Variants in TMEM106B observed in about 807,000 individuals in gnomAD.
The protein encoded by TMEM106B is transmembrane protein 106B.
Under a neutral mutation model 31.1 loss-of-function variants are expected in TMEM106B, and 15 were observed. The observed-to-expected ratio is 0.48, with a 90% CI of 0.32 to 0.74. The LOEUF is 0.74. TMEM106B is among the 30% of genes least tolerant of loss of function. The pLI is 0.03. For missense variants in TMEM106B, 283 were observed against 327.3 expected (o/e 0.86, Z 1.04); for synonymous variants, 126 against 112.5 (o/e 1.12, Z -0.76).
chr7:12,241,283 G>C lies in TMEM106B; in HGVS notation c.*9308G>C, dbSNP rs1414046212. On this transcript the variant is annotated 3_prime_UTR_variant, in exon 8 of 8. Transcript: ENST00000396668. Reference sequence around the variant, plus strand: ...TTTATTTTTTATACTTTAAGTTCTAGGATACATGTGCAGAACGTGCAGGTT... The same window carrying C: ...TTTATTTTTTATACTTTAAGTTCTACGATACATGTGCAGAACGTGCAGGTT... The C allele has an allele frequency of 6.6e-6, 1 of 151,952 alleles. No homozygotes were observed. Among genetic ancestry groups the C allele is most frequent in the African/African-American group, 2.4e-5 (1 of 41,370 alleles). 9.4% of individuals were successfully genotyped at this position (151,952 alleles called of 1,614,324 possible). A position where few individuals can be genotyped will look rare whatever the true frequency, so the allele number is the denominator to read the frequency against.
intron 3 of TMEM106B, among the ~76,000 whole-genome samples, chr7:12,218,934 C>T (rs1438611357): frequency 6.6e-6 from 1 of 152,106 alleles, no homozygotes; most frequent in Non-Finnish European, 1.5e-5. Flanking sequence ...TACTAAGGAT[C>T]ATATGAGCCC....
At chr7:12,230,745 C>G (rs924046628) in intron 6 of TMEM106B, 8 of 308,874 alleles carry the variant, frequency 2.6e-5, no homozygotes, top group African/African-American at 1.3e-4. Context: ...TTTTCATCAT[C>G]TTTTGAATAA....
intron 2 of TMEM106B, chr7:12,215,888 T>C (rs1290191842): frequency 6.2e-6 from 1 of 160,826 alleles, no homozygotes; most frequent in Non-Finnish European, 1.5e-5. Context: ...ATCCCCTGTG[T>C]GCTGCTTGTA....
chr7:12,226,237 G>A (rs997318439), intron 4 of TMEM106B, among the ~76,000 whole-genome samples: 1 of 152,138 alleles, frequency 6.6e-6, no homozygotes. Flanking sequence ...CTGTATCTCT[G>A]TTTTGGTACC....
chr7:12,223,691 C>G (rs185823205), intron 3 of TMEM106B, among the ~76,000 whole-genome samples: 35 of 151,046 alleles, frequency 2.3e-4, no homozygotes, highest in African/African-American at 7.5e-4. Flanking sequence ...TGTTTTTAAG[C>G]CCAAAATTTC....
chr7:12,229,781 A>T lies in TMEM106B; in HGVS notation c.544A>T (p.Asn182Tyr), dbSNP rs762637597. ...AACAGTTATTGGAAAGGCACGCTTA[A>T]ACAACATAACCATTATTGGTCCACT... ...SKTVIGKARLNNITIIGPLDM... is the reference protein window; with the variant it reads ...SKTVIGKARLYNITIIGPLDM... Residue 182 changes from asparagine (N) to tyrosine (Y), a missense_variant, in exon 5 of 8, where the codon AAC becomes TAC. This residue lies in a region of TMEM106B where 201 missense variants were observed against 211.5 expected (regional missense o/e 0.95). Coordinates refer to ENST00000396668, the MANE Select transcript of TMEM106B (RefSeq NM_001134232.2). 5.0e-6 allele frequency: 8 copies of T among 1,611,284 alleles called. No homozygotes were observed. In the Admixed American group the frequency reaches 1.0e-4, roughly 20 times the overall value.
chr7:12,221,829 C>G (rs1478652685), intron 3 of TMEM106B, among the ~76,000 whole-genome samples: 1 of 152,128 alleles, frequency 6.6e-6, no homozygotes, highest in African/African-American at 2.4e-5. Flanking sequence ...AGAGGGTGCT[C>G]TTAAGCCTGC....
intron 1 of TMEM106B, among the ~76,000 whole-genome samples, chr7:12,213,293 GA>G (rs201303186): frequency 5.3e-5 from 8 of 150,860 alleles, no homozygotes; most frequent in South Asian, 2.1e-4. Flanking sequence ...ACTGTTGAAT[GA>G]AAAAAAAACT....
rs751962224 is a variant in TMEM106B, at chr7:12,240,165, G to A, written c.*8190G>A. Reference sequence around the variant, plus strand: ...CCTTCAACAATGTCCTGACCAAATCGAGTTCTTTCTCATTGGGAACAGTTC... The same window carrying A: ...CCTTCAACAATGTCCTGACCAAATCAAGTTCTTTCTCATTGGGAACAGTTC... On this transcript the variant is annotated 3_prime_UTR_variant, in exon 8 of 8. Transcript: ENST00000396668. 7.2e-5 allele frequency: 11 copies of A among 152,070 alleles called. No homozygotes were observed. The highest frequency in any genetic ancestry group is 2.1e-4 in the South Asian group (1 of 4,828). 9.4% of individuals were successfully genotyped at this position (152,070 alleles called of 1,614,324 possible).
intron 5 of TMEM106B, 149 bp downstream of exon 5, chr7:12,229,968 G>A (rs1011050415): frequency 1.1e-5 from 10 of 881,712 alleles, no homozygotes; most frequent in East Asian, 2.8e-5. Flanking sequence ...TGTGATCCCC[G>A]CACCTTGGGA....
At position 12,242,203 on chromosome 7, in the gene TMEM106B, C is replaced by T. The variant is rs1482947494; in HGVS notation, c.*10228C>T. 1.2e-5 allele frequency: 1 copy of T among 82,346 alleles called. No homozygotes were observed. The highest frequency in any genetic ancestry group is 2.2e-5 in the Non-Finnish European group (1 of 45,890). The allele number at this position is 82,346 out of a possible 1,614,324, so 5.1% of individuals were successfully genotyped here. A position where few individuals can be genotyped will look rare whatever the true frequency, so the allele number is the denominator to read the frequency against. Reference sequence around the variant, plus strand: ...CCTGGCTAACAAGGTGAAACCCCGTCTCTACTAAAAATACAAAAAATTAGC... The same window carrying T: ...CCTGGCTAACAAGGTGAAACCCCGTTTCTACTAAAAATACAAAAAATTAGC... On this transcript the variant is annotated 3_prime_UTR_variant, in exon 8 of 8. Transcript: ENST00000396668.
chr7:12,214,192 C>G (rs1390734252), intron 1 of TMEM106B: 3 of 152,206 alleles, frequency 2.0e-5, no homozygotes, highest in African/African-American at 7.2e-5. Flanking sequence ...AATCCCCTTT[C>G]CTTTCCAGAT....
intron 4 of TMEM106B, among the ~76,000 whole-genome samples, chr7:12,228,002 A>T (rs143230885): frequency 6.6e-6 from 1 of 151,916 alleles, no homozygotes; most frequent in Non-Finnish European, 1.5e-5. Flanking sequence ...CTAAATTTCA[A>T]TCCTTGGTCT....
Position 12,232,089 on chromosome 7 carries a change from T to G in TMEM106B, c.*114T>G. On this transcript the variant is annotated 3_prime_UTR_variant, in exon 8 of 8. Coordinates refer to ENST00000396668, the MANE Select transcript of TMEM106B (RefSeq NM_001134232.2). ...AATTGAACAAACCTAAAGTTTACAC[T>G]TCTAAGAGTACAGTTAAAAGTATGT... 1.0e-6 allele frequency: 1 copy of G among 967,540 alleles called. No individual in the cohort carries two copies. Among genetic ancestry groups the G allele is most frequent in the South Asian group, 2.2e-5 (1 of 45,890 alleles). 59.9% of individuals were successfully genotyped at this position (967,540 alleles called of 1,614,324 possible).
chr7:12,213,020 G>A (rs1583448966), intron 1 of TMEM106B, among the ~76,000 whole-genome samples: 1 of 152,240 alleles, frequency 6.6e-6, no homozygotes, highest in South Asian at 2.1e-4. Flanking sequence ...CCAGCAGGGT[G>A]TATTATATGA....
chr7:12,216,005 G>C (rs1480010585), intron 2 of TMEM106B, among the ~76,000 whole-genome samples: 1 of 152,096 alleles, frequency 6.6e-6, no homozygotes, highest in Non-Finnish European at 1.5e-5. Flanking sequence ...GATACCCAGA[G>C]GGAAGAAGGT....
intron 3 of TMEM106B, among the ~76,000 whole-genome samples, chr7:12,219,808 G>A (rs1314669709): frequency 6.6e-6 from 1 of 152,172 alleles, no homozygotes; most frequent in Non-Finnish European, 1.5e-5. Context: ...TAAAGGATTT[G>A]AGAGAAAATG....
At chr7:12,226,097 C>T (rs1781895531) in intron 4 of TMEM106B, among the ~76,000 whole-genome samples, 1 of 151,192 alleles carries the variant, frequency 6.6e-6, no homozygotes, top group Non-Finnish European at 1.5e-5. Context: ...TTATGACAAG[C>T]CAGTTTTCCC....
At chr7:12,218,374 T>G (rs1206901431) in intron 2 of TMEM106B, 84 bp from the exon 3 acceptor site, 1 of 1,137,010 alleles carries the variant, frequency 8.8e-7, no homozygotes, top group Non-Finnish European at 1.3e-6. Flanking sequence ...GATATTCTGG[T>G]CTTTCCAAAC....
Sources: gnomAD v4.1 joint callset for allele counts (sites outside exome capture counted in the v4.1 genomes callset) on GRCh38, gnomAD v4.1.1 for gene constraint, gnomAD v4.1.1 regional missense constraint, MANE v1.5 for transcripts, NCBI Gene and HGNC (gene_info 2026-07-23, HGNC 2026-07-21) for gene names.